FAXDC2: variants seen among roughly 807,000 people sequenced by gnomAD.
FAXDC2 encodes fatty acid hydroxylase domain-containing protein 2.
A neutral mutation model predicts 40.9 loss-of-function variants in FAXDC2; 41 were observed. The observed-to-expected ratio is 1.00, with a 90% CI of 0.78 to 1.30. The LOEUF is 1.30. FAXDC2 is among the 50% of genes most tolerant of loss of function. The probability of loss-of-function intolerance (pLI) is 0.00; values close to 1 mark genes in which losing one functional copy is unlikely to be tolerated. For synonymous variants in FAXDC2, 157 were observed against 149.3 expected, an observed-to-expected ratio of 1.05 and a Z score of -0.38; for missense variants, 390 against 408.8, an observed-to-expected ratio of 0.95 and a Z score of 0.40.
chr5:154,826,267 C>G (rs1760033930), intron 5 of FAXDC2, among the ~76,000 whole-genome samples: 1 of 152,056 alleles, frequency 6.6e-6, no homozygotes, highest in Non-Finnish European at 1.5e-5. Context: ...GTGGCTCATG[C>G]CTGTAATCCC....
chr5:154,832,644 G>A (rs913295240), intron 4 of FAXDC2, among the ~76,000 whole-genome samples: 16 of 152,190 alleles, frequency 1.1e-4, no homozygotes, highest in Non-Finnish European at 1.8e-4. Flanking sequence ...AAAGCACACC[G>A]TAAGACGATC....
intron 1 of FAXDC2, among the ~76,000 whole-genome samples, chr5:154,845,813 A>C (rs184740371): frequency 0.011 from 1,608 of 149,220 alleles, 27 homozygotes; most frequent in African/African-American, 0.035. Flanking sequence ...TTTAGATGGA[A>C]TCTTACTCTG....
rs754171605 is a variant in FAXDC2 at position 154,821,396 on chromosome 5, G to A, written c.709C>T (p.Pro237Ser). 6 of 1,612,272 alleles carry A rather than the reference G, an allele frequency of 3.7e-6. No homozygotes were observed. In the Admixed American group the frequency reaches 8.4e-5, roughly 23 times the overall value. ...GACAAGTGGGAGCCCATTACTAATG[G>A]GCCCACTATCACCGGTAGCATGTTG... ...VSNMLPVIVG[P>S]LVMGSHLSSI... The change falls in exon 8 of 9, where the codon CCA becomes TCA. Residue 237 changes from proline to serine, a missense_variant. Pro to Ser is a moderately conservative substitution (Grantham distance 74). Coordinates refer to ENST00000326080, the MANE Select transcript of FAXDC2 (RefSeq NM_032385.5).
rs745789861 is a variant in FAXDC2, at chr5:154,830,835, G to C, written c.332C>G (p.Ser111Cys). ...VDTTGKPNFISRYRIQVGKNE... is the reference protein window; with the variant it reads ...VDTTGKPNFICRYRIQVGKNE... ...CTTGCCGACCTGAATTCGGTAGCGA[G>C]AGATGAAGTTAGGTTTTCCTGTTGT... The change falls in exon 5 of 9, where the codon TCT (serine) becomes TGT (cysteine). Residue 111 changes from serine to cysteine, a missense_variant. Physicochemically the swap from Ser to Cys is moderately radical, Grantham distance 112. Coordinates refer to ENST00000326080, the MANE Select transcript of FAXDC2 (RefSeq NM_032385.5). The C allele has an allele frequency of 6.2e-7, 1 of 1,614,182 alleles. No individual in the cohort carries two copies.
intron 1 of FAXDC2, among the ~76,000 whole-genome samples, chr5:154,841,032 AGG>A (rs1244648425): frequency 1.1e-4 from 14 of 128,882 alleles, no homozygotes; most frequent in Admixed American, 9.8e-4. Context: ...AGAGCCTCTC[AGG>A]GAGAAATACC....
chr5:154,833,814 C>A (rs1386450998), intron 4 of FAXDC2, among the ~76,000 whole-genome samples: 2 of 151,732 alleles, frequency 1.3e-5, no homozygotes, highest in Non-Finnish European at 2.9e-5. Flanking sequence ...ATTACAGGAG[C>A]CTGCCACCAT....
chr5:154,825,928 G>T (rs531213004), intron 5 of FAXDC2, among the ~76,000 whole-genome samples: 2 of 152,070 alleles, frequency 1.3e-5, no homozygotes, highest in Non-Finnish European at 2.9e-5. Flanking sequence ...AAAGGCTTTG[G>T]CAGGACGATC....
intron 5 of FAXDC2, among the ~76,000 whole-genome samples, chr5:154,828,790 G>A (rs1194582250): frequency 1.3e-5 from 2 of 151,544 alleles, no homozygotes. Flanking sequence ...TGTAGAGACA[G>A]GGATCTCACT....
intron 1 of FAXDC2, among the ~76,000 whole-genome samples, chr5:154,848,335 A>G (rs1226958649): frequency 6.6e-6 from 1 of 152,240 alleles, no homozygotes; most frequent in Non-Finnish European, 1.5e-5. Flanking sequence ...GACTTGCTCC[A>G]AACTCCACAT....
At chr5:154,835,883 CTTTTTTTTTTTTTTTTTT>C (rs869068025) in intron 2 of FAXDC2, among the ~76,000 whole-genome samples, 1 of 47,842 alleles carries the variant, frequency 2.1e-5, no homozygotes, top group South Asian at 6.5e-4. Context: ...GCCCGGCCGA[CTTTTTTTTTTTTTTTTTT>C]TTTTTTTTTT....
At chr5:154,822,273 A>T in intron 7 of FAXDC2, 199 bp downstream of exon 7, 1 of 560,872 alleles carries the variant, frequency 1.8e-6, no homozygotes, top group Non-Finnish European at 3.2e-6. Flanking sequence ...GAAAAAAAGA[A>T]AGTTGTTGGG....
At chr5:154,823,293 C>T (rs973208622) in intron 6 of FAXDC2, 94 bp downstream of exon 6, 9 of 1,170,064 alleles carry the variant, frequency 7.7e-6, no homozygotes, top group Non-Finnish European at 8.7e-6. Context: ...GGATTACAAG[C>T]GTGAGTCACT....
intron 1 of FAXDC2, among the ~76,000 whole-genome samples, chr5:154,842,647 C>T (rs1373887239): frequency 1.3e-5 from 2 of 149,296 alleles, no homozygotes; most frequent in African/African-American, 4.9e-5. Context: ...CTCAGCCTCC[C>T]GAGTAGCTGG....
chr5:154,838,322 C>A, intron 1 of FAXDC2, 144 bp from the exon 2 acceptor site: 4 of 692,196 alleles, frequency 5.8e-6, no homozygotes, highest in Non-Finnish European at 9.9e-6. Context: ...TGAAACCAGA[C>A]AAATTGATTT....
chr5:154,820,223 G>A lies in FAXDC2; in HGVS notation c.*93C>T. 3.8e-6 allele frequency: 4 copies of A among 1,061,136 alleles called. No homozygotes were observed. Among genetic ancestry groups the A allele is most frequent in the Non-Finnish European group, 5.5e-6 (4 of 729,226 alleles). The allele number at this position is 1,061,136 out of a possible 1,614,324, so 65.7% of individuals were successfully genotyped here. A position where few individuals can be genotyped will look rare whatever the true frequency, so the allele number is the denominator to read the frequency against. ...CCTGGTGGTGCCATCATTAGGGCGT[G>A]TGGCCGAAGGAGGCAAATTGTTAGG... On this transcript the variant is annotated 3_prime_UTR_variant, in exon 9 of 9. Coordinates refer to ENST00000326080, the MANE Select transcript of FAXDC2 (RefSeq NM_032385.5).
chr5:154,841,989 C>T (rs1235731186), intron 1 of FAXDC2, among the ~76,000 whole-genome samples: 2 of 152,118 alleles, frequency 1.3e-5, no homozygotes, highest in African/African-American at 2.4e-5. Context: ...CCACCTGCCT[C>T]GGCCTTCCAA....
intron 4 of FAXDC2, among the ~76,000 whole-genome samples, chr5:154,833,492 C>A (rs1211294739): frequency 6.6e-6 from 1 of 151,566 alleles, no homozygotes; most frequent in African/African-American, 2.4e-5. Flanking sequence ...ATTACAGGCA[C>A]GCACCACCAC....
At chr5:154,823,667 G>T in intron 5 of FAXDC2, 75 bp from the exon 6 acceptor site, 2 of 1,236,350 alleles carry the variant, frequency 1.6e-6, no homozygotes, top group Non-Finnish European at 2.3e-6. Flanking sequence ...CTTACAGGAG[G>T]CCCTCACTCT....
chr5:154,823,649 G>A (rs527739698), intron 5 of FAXDC2, 57 bp from the exon 6 acceptor site: 44 of 1,436,334 alleles, frequency 3.1e-5, no homozygotes, highest in South Asian at 1.9e-4. Context: ...AGGCTCCACC[G>A]TGACCTGCTT....
Sources: gnomAD v4.1 joint callset for allele counts (sites outside exome capture counted in the v4.1 genomes callset) on GRCh38, gnomAD v4.1.1 for gene constraint, MANE v1.5 for transcripts, NCBI Gene and HGNC (gene_info 2026-07-23, HGNC 2026-07-21) for gene names.